AHI1: variants seen among roughly 807,000 people sequenced by gnomAD.
AHI1 encodes the protein Abelson helper integration site 1.
AHI1 carries 123 observed loss-of-function variants against 149.3 expected under a neutral mutation model. The ratio of observed to expected loss-of-function variants is 0.82; its 90% confidence interval spans 0.71 to 0.96. The LOEUF is 0.96. Among genes scored for constraint, AHI1 ranks in the 40% least tolerant of loss-of-function variants. AHI1 has a pLI of 0.00. For synonymous variants in AHI1, 475 were observed against 459.8 expected, an observed-to-expected ratio of 1.03 and a Z score of -0.42; for missense variants, 1,439 against 1,422.7, an observed-to-expected ratio of 1.01 and a Z score of -0.18.
chr6:135,307,875 A>G (rs187380045), intron 26 of AHI1, among the ~76,000 whole-genome samples: 2 of 152,286 alleles, frequency 1.3e-5, no homozygotes, highest in Non-Finnish European at 2.9e-5. Context: ...AAGTGGGAAG[A>G]GGTGCATCTA....
intron 5 of AHI1, among the ~76,000 whole-genome samples, chr6:135,482,546 T>C (rs1046847001): frequency 3.9e-5 from 6 of 152,150 alleles, no homozygotes; most frequent in South Asian, 4.1e-4. Flanking sequence ...TAATGCACTG[T>C]CCAGTATGCT....
intron 22 of AHI1, 37 bp downstream of exon 22, chr6:135,404,914 C>A (rs762858580): frequency 2.5e-5 from 40 of 1,593,724 alleles, no homozygotes; most frequent in Non-Finnish European, 3.4e-5. Context: ...ATCACTATAC[C>A]TTTGAAGTTA....
intron 23 of AHI1, among the ~76,000 whole-genome samples, chr6:135,384,233 G>A (rs1487534588): frequency 6.6e-6 from 1 of 152,070 alleles, no homozygotes; most frequent in Admixed American, 6.6e-5. Context: ...AAAATTTAGT[G>A]GGAAGTTAGA....
chr6:135,467,622 T>G lies in AHI1; in HGVS notation c.148A>C (p.Arg50=). The G allele has an allele frequency of 6.2e-7, 1 of 1,607,232 alleles. No homozygotes were observed. Among genetic ancestry groups the G allele is most frequent in the South Asian group, 1.1e-5 (1 of 90,182 alleles). The stretch of plus-strand genomic sequence containing the variant: ...TCTTTCATATAGTGAAGATTGCTTC[T>G]AATAGTGTCAGGCTAAAAAGGAAGA... The part of the protein sequence containing the change: ...SEENISPDTI[R]SNLHYMKETT... Residue 50 remains arginine (R), a synonymous_variant, in exon 6 of 29, where the codon AGA becomes CGA. Coordinates refer to ENST00000265602, the MANE Select transcript of AHI1 (RefSeq NM_001134831.2).
chr6:135,364,852 G>C (rs538361282), intron 23 of AHI1, among the ~76,000 whole-genome samples: 19 of 152,312 alleles, frequency 1.2e-4, no homozygotes, highest in African/African-American at 4.6e-4. Flanking sequence ...GTACCGTCCA[G>C]CTTCGGCTTG....
At chr6:135,352,262 T>A (rs569394658) in intron 24 of AHI1, among the ~76,000 whole-genome samples, 2 of 152,326 alleles carry the variant, frequency 1.3e-5, no homozygotes, top group South Asian at 4.1e-4. Flanking sequence ...TCTTAACTGT[T>A]AACCTAACAT....
intron 26 of AHI1, chr6:135,302,175 G>A: frequency 1.0e-6 from 1 of 985,208 alleles, no homozygotes; most frequent in South Asian, 4.7e-5. Context: ...CAAGGTCTCA[G>A]TATCATTTTT....
chr6:135,399,142 C>T (rs946323933), intron 22 of AHI1, among the ~76,000 whole-genome samples: 4 of 152,216 alleles, frequency 2.6e-5, no homozygotes, highest in African/African-American at 9.6e-5. Flanking sequence ...TGTGATGATG[C>T]TACTGCACTC....
At chr6:135,302,881 C>T (rs1784062018) in intron 26 of AHI1, 2 of 1,180,536 alleles carry the variant, frequency 1.7e-6, no homozygotes, top group Non-Finnish European at 2.2e-6. Context: ...CCACCATCGA[C>T]AACGCCAAAG....
Position 135,492,308 on chromosome 6 carries a change from G to A in AHI1, c.-54-17C>T, listed in dbSNP as rs1795359636. 21 of 1,479,886 alleles carry A rather than the reference G, an allele frequency of 1.4e-5. No individual in the cohort carries two copies. Among genetic ancestry groups the A allele is most frequent in the Non-Finnish European group, 1.9e-5 (21 of 1,113,370 alleles). The allele number at this position is 1,479,886 out of a possible 1,614,324, so 91.7% of individuals were successfully genotyped here. ...ATCAGGATCCTATCGAAACAAAGGA[G>A]ATGTATTTGTAATATGGAACTTCCA... On this transcript the variant is annotated splice_polypyrimidine_tract_variant and intron_variant, in intron 3 of 28. Coordinates refer to ENST00000265602, the MANE Select transcript of AHI1 (RefSeq NM_001134831.2).
chr6:135,412,069 G>A (rs1028884008), intron 20 of AHI1, among the ~76,000 whole-genome samples: 10 of 151,774 alleles, frequency 6.6e-5, no homozygotes, highest in South Asian at 6.2e-4. Context: ...ATGAAGCACC[G>A]TAATTTTTTT....
intron 23 of AHI1, among the ~76,000 whole-genome samples, chr6:135,393,238 C>G (rs1778766305): frequency 6.6e-6 from 1 of 151,950 alleles, no homozygotes; most frequent in Admixed American, 6.6e-5. Flanking sequence ...CAAAGGCCTT[C>G]CTACCTATTC....
chr6:135,448,101 C>T (rs188677462), intron 12 of AHI1, among the ~76,000 whole-genome samples, 189 bp downstream of exon 12: 6 of 152,242 alleles, frequency 3.9e-5, no homozygotes, highest in Admixed American at 2.6e-4. Flanking sequence ...ATACTAAAAG[C>T]CACATTTCAC....
At chr6:135,396,939 A>G (rs1779303142) in intron 22 of AHI1, among the ~76,000 whole-genome samples, 1 of 151,660 alleles carries the variant, frequency 6.6e-6, no homozygotes, top group Non-Finnish European at 1.5e-5. Context: ...CTGGAAAGTT[A>G]AAATAGGATA....
intron 5 of AHI1, among the ~76,000 whole-genome samples, chr6:135,489,293 C>T (rs1794916132): frequency 6.6e-6 from 1 of 152,136 alleles, no homozygotes; most frequent in African/African-American, 2.4e-5. Flanking sequence ...TTATGTGCCC[C>T]TCAACATTTA....
At chr6:135,434,310 G>C (rs190466159) in intron 15 of AHI1, among the ~76,000 whole-genome samples, 1 of 152,068 alleles carries the variant, frequency 6.6e-6, no homozygotes, top group East Asian at 1.9e-4. Context: ...AATAGAGGAA[G>C]TGAAAGAACA....
At position 135,347,041 on chromosome 6, in the gene AHI1, T is replaced by C. The variant is rs1276252190; in HGVS notation, c.3165+11091A>G. ...TCTATCCACTAGCCTCAGATCGTTA[T>C]CTGTTTGAAACTTCTTTGTGGGCTG... On this transcript the variant is annotated intron_variant, in intron 24 of 28. Coordinates refer to ENST00000265602, the MANE Select transcript of AHI1 (RefSeq NM_001134831.2). 3.3e-5 allele frequency among the ~76,000 whole-genome samples: 5 copies of C among 152,342 alleles called. No individual in the cohort carries two copies. In the South Asian group the frequency reaches 8.3e-4, roughly 25 times the overall value.
At chr6:135,364,818 TTGC>T (rs1773894592) in intron 23 of AHI1, among the ~76,000 whole-genome samples, 2 of 151,648 alleles carry the variant, frequency 1.3e-5, no homozygotes, top group Non-Finnish European at 2.9e-5. Flanking sequence ...GGCAGGGAGG[TTGC>T]AGTAGGCCGA....
intron 26 of AHI1, chr6:135,302,810 T>C: frequency 7.8e-7 from 1 of 1,289,058 alleles, no homozygotes; most frequent in Non-Finnish European, 1.0e-6. Context: ...TGTTTTGTTT[T>C]ATTTTACCTT....
Sources: gnomAD v4.1 joint callset for allele counts (sites outside exome capture counted in the v4.1 genomes callset) on GRCh38, gnomAD v4.1.1 for gene constraint, MANE v1.5 for transcripts, NCBI Gene and HGNC (gene_info 2026-07-23, HGNC 2026-07-21) for gene names.